FAM13A: variants seen among roughly 807,000 people sequenced by gnomAD.
The protein encoded by FAM13A is protein FAM13A.
FAM13A carries 76 observed loss-of-function variants against 129.6 expected under a neutral mutation model. That is an observed-to-expected ratio of 0.59 (90% CI 0.49 to 0.71). The LOEUF (loss-of-function observed/expected upper bound fraction) is 0.71, where lower values mean the gene tolerates loss of function less well. Among genes scored for constraint, FAM13A ranks in the 30% least tolerant of loss-of-function variants. The pLI is 0.00. For missense variants in FAM13A, 1,108 were observed against 1,249.3 expected (o/e 0.89, Z 1.70); for synonymous variants, 443 against 449.9 (o/e 0.98, Z 0.20).
chr4:88,947,489 C>T (rs1403606730), intron 4 of FAM13A, among the ~76,000 whole-genome samples: 1 of 152,138 alleles, frequency 6.6e-6, no homozygotes, highest in East Asian at 1.9e-4. Flanking sequence ...TGTTACCGGA[C>T]TGCCAGAAAA....
At chr4:88,730,677 C>T (rs1361896808) in intron 23 of FAM13A, among the ~76,000 whole-genome samples, 1 of 152,214 alleles carries the variant, frequency 6.6e-6, no homozygotes, top group Non-Finnish European at 1.5e-5. Flanking sequence ...CAGGCGTGAG[C>T]CACCACGCCT....
intron 5 of FAM13A, among the ~76,000 whole-genome samples, chr4:88,916,769 T>TA (rs558895414): frequency 3.3e-5 from 5 of 152,136 alleles, no homozygotes; most frequent in Non-Finnish European, 5.9e-5. Context: ...CACTTCTCTA[T>TA]ATAAAAAAGC....
intron 5 of FAM13A, among the ~76,000 whole-genome samples, chr4:88,924,497 C>T (rs1183512569): frequency 6.6e-6 from 1 of 152,110 alleles, no homozygotes; most frequent in Non-Finnish European, 1.5e-5. Flanking sequence ...AACTGGCTAG[C>T]CATATGTAGA....
intron 2 of FAM13A, among the ~76,000 whole-genome samples, chr4:89,023,121 C>T (rs9992522): frequency 0.34 from 52,354 of 151,988 alleles, 9,575 homozygotes; most frequent in Middle Eastern, 0.47. Context: ...AAATGGGTAA[C>T]GAATACGATA....
intron 5 of FAM13A, among the ~76,000 whole-genome samples, chr4:88,920,231 C>T (rs545283394): frequency 5.9e-5 from 9 of 152,270 alleles, no homozygotes; most frequent in African/African-American, 1.9e-4. Context: ...GATCTGAGAA[C>T]GGGCAGACTG....
intron 4 of FAM13A, among the ~76,000 whole-genome samples, chr4:88,971,212 T>C (rs1277574675): frequency 1.3e-5 from 2 of 152,084 alleles, no homozygotes; most frequent in African/African-American, 2.4e-5. Flanking sequence ...AGTGAGACTC[T>C]GCCTCAAAAA....
intron 5 of FAM13A, among the ~76,000 whole-genome samples, chr4:88,931,558 A>G (rs1753037467): frequency 6.6e-6 from 1 of 152,028 alleles, no homozygotes; most frequent in South Asian, 2.1e-4. Flanking sequence ...CTCCTAGACA[A>G]TCTGTTCAAA....
In FAM13A at chr4:88,731,364, G is replaced by C. The variant is rs769740735; in HGVS notation, c.2908C>G (p.Arg970Gly). Residue 970 changes from arginine to glycine, a missense_variant, in exon 23 of 24, where the codon CGG (arginine) becomes GGG (glycine). Arg to Gly is a moderately radical substitution (Grantham distance 125). Transcript: ENST00000264344. The part of the protein sequence containing the change: ...EEKKRIRKKL[R>G]DFEDNFFRQN... ...CTGAAAAAGTTGTCTTCAAAATCCC[G>C]AAGTTTCTTTCGAATCCTTTTCTTT... 1.1e-5 allele frequency: 17 copies of C among 1,608,782 alleles called. No individual in the cohort carries two copies. The highest frequency in any genetic ancestry group is 1.4e-5 in the Non-Finnish European group (17 of 1,179,604).
intron 4 of FAM13A, among the ~76,000 whole-genome samples, chr4:88,971,292 G>A (rs1760054571): frequency 6.6e-6 from 1 of 152,150 alleles, no homozygotes; most frequent in Non-Finnish European, 1.5e-5. Flanking sequence ...TTGTATTAGG[G>A]CTTAGTAACT....
At chr4:88,894,988 A>C (rs535705987) in intron 6 of FAM13A, among the ~76,000 whole-genome samples, 13 of 152,224 alleles carry the variant, frequency 8.5e-5, no homozygotes, top group Non-Finnish European at 1.8e-4. Flanking sequence ...TTCTTTATTA[A>C]CACTTATATA....
chr4:88,837,057 C>G (rs145452059), intron 7 of FAM13A, among the ~76,000 whole-genome samples: 1 of 151,778 alleles, frequency 6.6e-6, no homozygotes, highest in South Asian at 2.1e-4. Context: ...TGCAATGGCA[C>G]GATCTCCACT....
In FAM13A at chr4:89,051,649, ACTGAGG is replaced by A. The variant is rs200178551; in HGVS notation, c.27+5283_27+5288del. Among the ~76,000 whole-genome samples the A allele has an allele frequency of 3.0e-4, 45 of 152,306 alleles. No homozygotes were observed. In the East Asian group the frequency reaches 7.9e-3, roughly 27 times the overall value. ...GGGTAAGACTCAAGGTACAATTCATACTGAGGCAAACTCCTCTCTAGCTGTGAGCCT... is the reference window on the plus strand; with the variant it reads ...GGGTAAGACTCAAGGTACAATTCATACAAACTCCTCTCTAGCTGTGAGCCT... On this transcript the variant is annotated intron_variant, in intron 1 of 23. Coordinates refer to ENST00000264344, the MANE Select transcript of FAM13A (RefSeq NM_014883.4).
At chr4:88,946,014 A>G (rs28376243) in intron 4 of FAM13A, among the ~76,000 whole-genome samples, 2 of 126,546 alleles carry the variant, frequency 1.6e-5, no homozygotes, top group South Asian at 2.5e-4. Context: ...ATATATATAT[A>G]TATATATATG....
chr4:88,830,257 T>G (rs1733681963), intron 7 of FAM13A, among the ~76,000 whole-genome samples: 1 of 152,168 alleles, frequency 6.6e-6, no homozygotes. Flanking sequence ...TTTAAAAAAC[T>G]AATGTATGGA....
intron 3 of FAM13A, among the ~76,000 whole-genome samples, chr4:89,016,581 A>C (rs1766525020): frequency 6.6e-6 from 1 of 152,126 alleles, no homozygotes; most frequent in Non-Finnish European, 1.5e-5. Flanking sequence ...ATACAGGTGT[A>C]CCATTTAAAC....
At chr4:89,011,971 C>T (rs957735383) in intron 3 of FAM13A, among the ~76,000 whole-genome samples, 6 of 152,116 alleles carry the variant, frequency 3.9e-5, no homozygotes, top group African/African-American at 1.4e-4. Context: ...CTTTGTATTA[C>T]TCAGTATCTA....
chr4:88,799,778 T>C (rs1578714324), intron 8 of FAM13A, among the ~76,000 whole-genome samples: 2 of 152,178 alleles, frequency 1.3e-5, no homozygotes, highest in Admixed American at 6.5e-5. Context: ...CCACTGTGCC[T>C]GGCCCCAACA....
At chr4:88,885,687 A>G (rs192466759) in intron 6 of FAM13A, among the ~76,000 whole-genome samples, 47 of 152,330 alleles carry the variant, frequency 3.1e-4, no homozygotes, top group African/African-American at 1.1e-3. Context: ...AAGCTTCTGC[A>G]CAGCAAAAGA....
chr4:88,993,394 G>A (rs537938429), intron 3 of FAM13A, among the ~76,000 whole-genome samples: 4 of 152,264 alleles, frequency 2.6e-5, no homozygotes, highest in Admixed American at 6.5e-5. Flanking sequence ...ATTGTGGTCT[G>A]ATTGTCAGCA....
Sources: gnomAD v4.1 joint callset for allele counts (sites outside exome capture counted in the v4.1 genomes callset) on GRCh38, gnomAD v4.1.1 for gene constraint, MANE v1.5 for transcripts, NCBI Gene and HGNC (gene_info 2026-07-23, HGNC 2026-07-21) for gene names.